FHIT: variants seen among roughly 807,000 people sequenced by gnomAD.
The protein encoded by FHIT is bis(5'-adenosyl)-triphosphatase.
A neutral mutation model predicts 17.9 loss-of-function variants in FHIT; 19 were observed. That is an observed-to-expected ratio of 1.06 (90% CI 0.74 to 1.56). The LOEUF (loss-of-function observed/expected upper bound fraction) is 1.56. FHIT is among the 40% of genes most tolerant of loss of function. The pLI, the probability that FHIT is intolerant of heterozygous loss-of-function variation, is 0.00. For missense variants in FHIT, 248 were observed against 189.2 expected (o/e 1.31, Z -1.82); for synonymous variants, 81 against 69.7 (o/e 1.16, Z -0.81).
chr3:60,320,762 T>A (rs1291078199), intron 5 of FHIT, among the ~76,000 whole-genome samples: 1 of 152,226 alleles, frequency 6.6e-6, no homozygotes, highest in African/African-American at 2.4e-5. Flanking sequence ...ATAAGAAAGA[T>A]GGATAATTAC....
At chr3:59,888,875 C>A (rs1221290517) in intron 8 of FHIT, among the ~76,000 whole-genome samples, 2 of 152,156 alleles carry the variant, frequency 1.3e-5, no homozygotes, top group African/African-American at 2.4e-5. Flanking sequence ...GATCAAGGGG[C>A]AAGCTGCATC....
At chr3:60,475,274 G>A (rs936968454) in intron 5 of FHIT, among the ~76,000 whole-genome samples, 1 of 152,054 alleles carries the variant, frequency 6.6e-6, no homozygotes, top group Non-Finnish European at 1.5e-5. Context: ...AAAGGTTAGG[G>A]GAGTTAAGTA....
intron 5 of FHIT, among the ~76,000 whole-genome samples, chr3:60,412,107 G>T (rs1347308022): frequency 1.3e-5 from 2 of 152,018 alleles, no homozygotes; most frequent in Non-Finnish European, 2.9e-5. Flanking sequence ...GGACATGGTG[G>T]CACATACCTG....
At chr3:60,120,908 C>T (rs1705217602) in intron 5 of FHIT, among the ~76,000 whole-genome samples, 2 of 152,008 alleles carry the variant, frequency 1.3e-5, no homozygotes, top group South Asian at 4.1e-4. Context: ...TCAGTCTTCA[C>T]ATAGCAGTTC....
chr3:60,290,866 G>A (rs1301229936), intron 5 of FHIT, among the ~76,000 whole-genome samples: 1 of 152,154 alleles, frequency 6.6e-6, no homozygotes, highest in Admixed American at 6.5e-5. Context: ...GCTCACAAAG[G>A]TGGCTGTGCC....
At chr3:60,129,869 A>G (rs1699461457) in intron 5 of FHIT, among the ~76,000 whole-genome samples, 1 of 152,142 alleles carries the variant, frequency 6.6e-6, no homozygotes, top group Admixed American at 6.6e-5. Context: ...TTATCTTCTT[A>G]ATGATGCTTA....
At chr3:60,065,483 G>A (rs1702461912) in intron 5 of FHIT, among the ~76,000 whole-genome samples, 1 of 152,152 alleles carries the variant, frequency 6.6e-6, no homozygotes, top group African/African-American at 2.4e-5. Flanking sequence ...CTGTAATTAT[G>A]CTGTGTTTGA....
chr3:59,969,862 A>G (rs1203012449), intron 7 of FHIT, among the ~76,000 whole-genome samples: 1 of 152,126 alleles, frequency 6.6e-6, no homozygotes, highest in Non-Finnish European at 1.5e-5. Flanking sequence ...AATTGTCTAT[A>G]ATAAGTCCAA....
At chr3:60,817,316 T>G (rs904911341) in intron 4 of FHIT, among the ~76,000 whole-genome samples, 1 of 152,052 alleles carries the variant, frequency 6.6e-6, no homozygotes, top group African/African-American at 2.4e-5. Context: ...TTTCCAAAAT[T>G]TTTTCATTCC....
chr3:59,922,401 T>C lies in FHIT; in HGVS notation c.293A>G (p.His98Arg), dbSNP rs765224853. 8 of 1,613,706 alleles carry C rather than the reference T, an allele frequency of 5.0e-6. No individual in the cohort carries two copies. In the South Asian group the frequency reaches 5.5e-5, roughly 11 times the overall value. The change falls in exon 8 of 10, where the codon CAT (histidine) becomes CGT (arginine). Residue 98 changes from histidine to arginine, a missense_variant. Physicochemically the swap from His to Arg is conservative, Grantham distance 29 (BLOSUM62 0). Coordinates refer to ENST00000492590, the MANE Select transcript of FHIT (RefSeq NM_002012.4). ...AGQTVKHVHV[H>R]VLPRKAGDFH... ...GTCTCCAGCCTTCCTGGGAAGAACATGGACGTGAACGTGCTGAAAATGTAC... is the reference window on the plus strand; with the variant it reads ...GTCTCCAGCCTTCCTGGGAAGAACACGGACGTGAACGTGCTGAAAATGTAC...
intron 5 of FHIT, among the ~76,000 whole-genome samples, chr3:60,198,400 A>C (rs975902885): frequency 3.9e-5 from 6 of 152,204 alleles, no homozygotes; most frequent in Non-Finnish European, 7.3e-5. Context: ...TTACAGAGTA[A>C]ATTAAAAAGT....
chr3:60,426,677 T>C (rs143702563), intron 5 of FHIT, among the ~76,000 whole-genome samples: 80 of 152,246 alleles, frequency 5.3e-4, no homozygotes, highest in African/African-American at 1.9e-3. Flanking sequence ...ACATTACAAA[T>C]TATTCACCGT....
intron 2 of FHIT, among the ~76,000 whole-genome samples, chr3:61,154,440 G>C (rs2037479093): frequency 6.6e-6 from 1 of 151,862 alleles, no homozygotes; most frequent in South Asian, 2.1e-4. Context: ...TATATAAAGA[G>C]GAAATCATAT....
At chr3:60,761,016 A>C (rs1230991171) in intron 4 of FHIT, among the ~76,000 whole-genome samples, 1 of 152,202 alleles carries the variant, frequency 6.6e-6, no homozygotes, top group Non-Finnish European at 1.5e-5. Context: ...CCTTACTTTT[A>C]ATAGCTTTCT....
At chr3:60,092,025 C>T (rs1173074681) in intron 5 of FHIT, among the ~76,000 whole-genome samples, 1 of 152,162 alleles carries the variant, frequency 6.6e-6, no homozygotes, top group Non-Finnish European at 1.5e-5. Context: ...GGCTGCTACC[C>T]ACAGGCTCCA....
intron 5 of FHIT, among the ~76,000 whole-genome samples, chr3:60,117,370 A>G (rs538234615): frequency 2.0e-5 from 3 of 152,258 alleles, no homozygotes; most frequent in Admixed American, 6.5e-5. Context: ...AATTTAGAAT[A>G]TAATACTGTA....
At chr3:60,485,754 G>A (rs537677357) in intron 5 of FHIT, among the ~76,000 whole-genome samples, 7 of 152,146 alleles carry the variant, frequency 4.6e-5, no homozygotes, top group East Asian at 1.9e-4. Flanking sequence ...TGTTCTGCAC[G>A]TGTATCCTGG....
chr3:60,178,468 C>A (rs1418309818), intron 5 of FHIT, among the ~76,000 whole-genome samples: 2 of 151,994 alleles, frequency 1.3e-5, no homozygotes, highest in Non-Finnish European at 2.9e-5. Context: ...CACCTGTAGT[C>A]CCAGCTACTC....
chr3:60,277,227 T>C (rs1018703960), intron 5 of FHIT, among the ~76,000 whole-genome samples: 3 of 152,264 alleles, frequency 2.0e-5, no homozygotes, highest in Non-Finnish European at 1.5e-5. Context: ...GAGGGACATA[T>C]AAAGAAGTTG....
Sources: allele counts gnomAD v4.1 joint callset (sites outside exome capture counted in the v4.1 genomes callset), GRCh38; gene constraint gnomAD v4.1.1; transcripts MANE v1.5; gene names NCBI Gene and HGNC (gene_info 2026-07-23, HGNC 2026-07-21).